UTRN: variants seen among roughly 807,000 people sequenced by gnomAD.
UTRN encodes the protein dystrophin-related protein 1.
In UTRN, 283 loss-of-function variants were observed where a neutral mutation model predicts 463.9. The ratio of observed to expected loss-of-function variants is 0.61; its 90% confidence interval spans 0.55 to 0.67. The LOEUF (loss-of-function observed/expected upper bound fraction) is 0.67, where lower values mean the gene tolerates loss of function less well. Ranked by LOEUF, UTRN falls within the 30% of genes least tolerant of loss-of-function variation. The probability of loss-of-function intolerance (pLI) is 0.00; values close to 1 mark genes in which losing one functional copy is unlikely to be tolerated. For synonymous variants in UTRN, 1,442 were observed against 1,431.5 expected, an observed-to-expected ratio of 1.01 and a Z score of -0.17; for missense variants, 3,922 against 4,084.3, an observed-to-expected ratio of 0.96 and a Z score of 1.08.
rs76156594 is a variant in UTRN, at chr6:144,574,179, G to A, written c.7290-2920G>A. On this transcript the variant is annotated intron_variant, in intron 50 of 74. Coordinates refer to ENST00000367545, the MANE Select transcript of UTRN (RefSeq NM_007124.3). ...CTAAACAGAGTATTGAAGAAAACTAGGGGATAAAGTTTGAGAAGTAAACTG... is the reference window on the plus strand; with the variant it reads ...CTAAACAGAGTATTGAAGAAAACTAAGGGATAAAGTTTGAGAAGTAAACTG... 3.6e-3 allele frequency among the ~76,000 whole-genome samples: 549 copies of A among 152,280 alleles called. 6 individuals carry two copies. Among genetic ancestry groups the A allele is most frequent in the African/African-American group, 0.012 (480 of 41,548 alleles).
At chr6:144,687,456 C>T (rs1241786079) in intron 52 of UTRN, among the ~76,000 whole-genome samples, 1 of 151,750 alleles carries the variant, frequency 6.6e-6, no homozygotes, top group Admixed American at 6.6e-5. Flanking sequence ...CAAAAAAAGA[C>T]AAAGAAGGTT....
At chr6:144,661,188 C>A (rs958322393) in intron 51 of UTRN, among the ~76,000 whole-genome samples, 1 of 152,068 alleles carries the variant, frequency 6.6e-6, no homozygotes, top group Non-Finnish European at 1.5e-5. Flanking sequence ...ACTGTAGAAG[C>A]GGGACTGGAT....
chr6:144,307,617 A>G (rs182289362), intron 2 of UTRN, among the ~76,000 whole-genome samples: 7 of 152,270 alleles, frequency 4.6e-5, no homozygotes, highest in Admixed American at 4.6e-4. Context: ...CTTTACTTCT[A>G]CTGCCTTAAA....
At chr6:144,601,895 G>T (rs923828949) in intron 51 of UTRN, among the ~76,000 whole-genome samples, 1 of 152,012 alleles carries the variant, frequency 6.6e-6, no homozygotes, top group African/African-American at 2.4e-5. Context: ...ATCAAATCAG[G>T]GCAAGACCCT....
chr6:144,828,349 T>C (rs1408148125), intron 68 of UTRN, among the ~76,000 whole-genome samples: 1 of 152,038 alleles, frequency 6.6e-6, no homozygotes, highest in Non-Finnish European at 1.5e-5. Flanking sequence ...GATGAGAAAG[T>C]GAAGGACACA....
intron 74 of UTRN, among the ~76,000 whole-genome samples, chr6:144,847,214 GA>G (rs1782096849): frequency 2.0e-5 from 3 of 152,152 alleles, no homozygotes. Context: ...CTTTGCAGGG[GA>G]AAATATTTCA....
rs1204789239 is a variant in UTRN at position 144,435,924 on chromosome 6, T to C, written c.856-11T>C. The C allele has an allele frequency of 9.9e-6, 16 of 1,612,926 alleles. No homozygotes were observed. Among genetic ancestry groups the C allele is most frequent in the Non-Finnish European group, 1.4e-5 (16 of 1,179,784 alleles). ...GATTAGTGTGGGTTTTTCTTGGCTTTGTTTTTACAGAGTACAGCGCCTGAG... is the reference window on the plus strand; with the variant it reads ...GATTAGTGTGGGTTTTTCTTGGCTTCGTTTTTACAGAGTACAGCGCCTGAG... On this transcript the variant is annotated splice_polypyrimidine_tract_variant and intron_variant, in intron 9 of 74. Coordinates refer to ENST00000367545, the MANE Select transcript of UTRN (RefSeq NM_007124.3).
At chr6:144,835,969 C>T (rs762737290) in intron 70 of UTRN, 31 bp downstream of exon 70, 98 of 1,605,852 alleles carry the variant, frequency 6.1e-5, no homozygotes, top group Non-Finnish European at 8.2e-5. Flanking sequence ...GGAAATATGT[C>T]ATCCTTTCTT....
intron 73 of UTRN, 110 bp from the exon 74 acceptor site, chr6:144,846,695 A>G: frequency 1.4e-6 from 2 of 1,455,034 alleles, no homozygotes; most frequent in Non-Finnish European, 1.9e-6. Context: ...CAACTGGGCT[A>G]TTATTACCCT....
At chr6:144,789,687 C>G (rs1371527512) in intron 62 of UTRN, among the ~76,000 whole-genome samples, 2 of 152,162 alleles carry the variant, frequency 1.3e-5, no homozygotes, top group Non-Finnish European at 2.9e-5. Context: ...GTTTTTCTGA[C>G]TCCAAAGCCT....
intron 10 of UTRN, among the ~76,000 whole-genome samples, 153 bp downstream of exon 10, chr6:144,436,291 G>A (rs545016881): frequency 6.6e-6 from 1 of 152,290 alleles, no homozygotes; most frequent in South Asian, 2.1e-4. Flanking sequence ...ATAGTGCTTT[G>A]TCACAAAATT....
intron 53 of UTRN, among the ~76,000 whole-genome samples, chr6:144,709,140 T>C (rs1785393671): frequency 6.6e-6 from 1 of 152,208 alleles, no homozygotes; most frequent in South Asian, 2.1e-4. Context: ...ATTCAAACCA[T>C]AGTACTTCGT....
intron 24 of UTRN, among the ~76,000 whole-genome samples, chr6:144,474,348 A>G (rs960977384): frequency 6.6e-6 from 1 of 152,144 alleles, no homozygotes. Flanking sequence ...TGGTGAAATC[A>G]TCAGGCTTCT....
At chr6:144,469,112 C>T (rs1224326480) in intron 23 of UTRN, among the ~76,000 whole-genome samples, 1 of 152,114 alleles carries the variant, frequency 6.6e-6, no homozygotes, top group African/African-American at 2.4e-5. Context: ...CAGGTCTAGC[C>T]AGATATATAA....
chr6:144,835,674 CTT>C (rs1481318189), intron 69 of UTRN, 104 bp from the exon 70 acceptor site: 14 of 1,484,270 alleles, frequency 9.4e-6, no homozygotes, highest in Non-Finnish European at 1.2e-5. Flanking sequence ...CTAAGACAAA[CTT>C]GGCCCAGCCA....
At chr6:144,287,500 T>C (rs1000124355) in intron 1 of UTRN, among the ~76,000 whole-genome samples, 3 of 152,218 alleles carry the variant, frequency 2.0e-5, no homozygotes, top group African/African-American at 7.2e-5. Flanking sequence ...AGTAAATTAA[T>C]GAATAGTGTT....
intron 54 of UTRN, among the ~76,000 whole-genome samples, chr6:144,732,221 TATATATATATATATATAC>T (rs1273464561): frequency 0.01 from 429 of 42,474 alleles, 1 homozygote; most frequent in African/African-American, 0.043. Context: ...GTTTTATATA[TATATATATATATATATAC>T]ATATATATAT....
At chr6:144,555,619 C>T (rs1221007962) in intron 49 of UTRN, among the ~76,000 whole-genome samples, 8 of 152,114 alleles carry the variant, frequency 5.3e-5, no homozygotes, top group Admixed American at 4.6e-4. Flanking sequence ...TCTGTAGAGA[C>T]GGGGTTCCGC....
At chr6:144,422,785 CA>C (rs1428636721) in intron 4 of UTRN, among the ~76,000 whole-genome samples, 1 of 152,152 alleles carries the variant, frequency 6.6e-6, no homozygotes, top group Non-Finnish European at 1.5e-5. Context: ...TGTATGGGTA[CA>C]AATGTTAACT....
Sources: gnomAD v4.1 joint callset for allele counts (sites outside exome capture counted in the v4.1 genomes callset) on GRCh38, gnomAD v4.1.1 for gene constraint, MANE v1.5 for transcripts, NCBI Gene and HGNC (gene_info 2026-07-23, HGNC 2026-07-21) for gene names.